HERC1: variants seen among roughly 807,000 people sequenced by gnomAD.
HERC1 encodes the protein HECT and RLD domain containing E3 ubiquitin protein ligase family member 1.
A neutral mutation model predicts 554.3 loss-of-function variants in HERC1; 160 were observed. That is an observed-to-expected ratio of 0.29 (90% confidence interval 0.25 to 0.33). HERC1 has a LOEUF of 0.33. Among genes scored for constraint, HERC1 ranks in the 10% least tolerant of loss-of-function variants. The pLI is 1.00. For synonymous variants in HERC1, 2,175 were observed against 2,131.7 expected, an observed-to-expected ratio of 1.02 and a Z score of -0.56; for missense variants, 4,919 against 5,918.5, an observed-to-expected ratio of 0.83 and a Z score of 5.54.
chr15:63,783,274 T>A (rs191697410), intron 1 of HERC1, among the ~76,000 whole-genome samples: 1 of 152,070 alleles, frequency 6.6e-6, no homozygotes, highest in African/African-American at 2.4e-5. Flanking sequence ...TTTTAATAAA[T>A]TGCCAAAGTA....
At chr15:63,833,498 G>A (rs1596352024) in intron 1 of HERC1, among the ~76,000 whole-genome samples, 1 of 152,232 alleles carries the variant, frequency 6.6e-6, no homozygotes, top group East Asian at 1.9e-4. Flanking sequence ...GCGGGGCCGG[G>A]GCACAGACGT....
Position 63,747,025 on chromosome 15 carries a change from C to T in HERC1, c.2413G>A (p.Ala805Thr). The T allele has an allele frequency of 6.3e-7, 1 of 1,593,092 alleles. No individual in the cohort carries two copies. The highest frequency in any genetic ancestry group is 8.5e-7 in the Non-Finnish European group (1 of 1,170,060). The stretch of plus-strand genomic sequence containing the variant: ...CTGGTAGCTACCCCTCCCGCAAGTG[C>T]AAGAGCAAGGTGATTTGAAAGTAGC... ...LKLLSNHLAL[A>T]LAGGVATSIL... Residue 805 changes from alanine (A) to threonine (T), a missense_variant, in exon 12 of 78, where the codon GCA becomes ACA. Around this residue, in one of 11 missense-constraint regions of HERC1, gnomAD observed 744 missense variants for 1,090.0 expected, o/e 0.68. Transcript: ENST00000443617.
At chr15:63,827,035 G>A (rs1286173864) in intron 1 of HERC1, among the ~76,000 whole-genome samples, 1 of 151,372 alleles carries the variant, frequency 6.6e-6, no homozygotes, top group Non-Finnish European at 1.5e-5. Context: ...AAAATACTAC[G>A]CGCAAGGCTA....
chr15:63,779,904 C>T (rs1007659359), intron 1 of HERC1: 1 of 146,428 alleles, frequency 6.8e-6, no homozygotes, highest in Non-Finnish European at 1.5e-5. Flanking sequence ...GTCCCAGCTA[C>T]TTGGGAGGCA....
chr15:63,652,436 G>C lies in HERC1; in HGVS notation c.10396C>G (p.Gln3466Glu). Residue 3466 changes from glutamine to glutamate, a missense_variant, in exon 52 of 78, where the codon CAG (glutamine) becomes GAG (glutamate). Physicochemically the swap from Gln to Glu is conservative, Grantham distance 29. Transcript: ENST00000443617. ...CACAATCTGTTGAACACACAGGTCT[G>C]TTGCAGTGAATATTGCTTCTTGGTA... The part of the protein sequence containing the change: ...NVTKKQYSLQ[Q>E]TCVFNRLEGD... The C allele has an allele frequency of 6.2e-7, 1 of 1,612,928 alleles. No individual in the cohort carries two copies. Among genetic ancestry groups the C allele is most frequent in the Non-Finnish European group, 8.5e-7 (1 of 1,179,262 alleles).
chr15:63,616,815 A>G, intron 74 of HERC1, 133 bp from the exon 75 acceptor site: 1 of 782,998 alleles, frequency 1.3e-6, no homozygotes, highest in Non-Finnish European at 2.0e-6. Context: ...ATAAGGCTAA[A>G]GTAATTAAAT....
chr15:63,713,690 G>C (rs977028273), intron 22 of HERC1, 25 bp from the exon 23 acceptor site: 9 of 1,579,432 alleles, frequency 5.7e-6, no homozygotes, highest in African/African-American at 1.3e-5. Context: ...ACAAAAACAA[G>C]GTCTTAACAC....
At chr15:63,810,289 T>C (rs1319829976) in intron 1 of HERC1, among the ~76,000 whole-genome samples, 1 of 152,146 alleles carries the variant, frequency 6.6e-6, no homozygotes, top group Non-Finnish European at 1.5e-5. Context: ...AACAGATGAA[T>C]GGATAAACAA....
chr15:63,641,753 T>G (rs1291153803), intron 59 of HERC1, 110 bp from the exon 60 acceptor site: 1 of 890,040 alleles, frequency 1.1e-6, no homozygotes, highest in Non-Finnish European at 1.6e-6. Context: ...CTTTGCTTTT[T>G]GGATATTTTA....
chr15:63,743,449 G>C (rs1428916097), intron 12 of HERC1, among the ~76,000 whole-genome samples: 2 of 151,566 alleles, frequency 1.3e-5, no homozygotes, highest in Non-Finnish European at 2.9e-5. Flanking sequence ...ATTTTTAGTA[G>C]AGAAGGGGTT....
At chr15:63,702,731 T>C (rs1192041326) in intron 25 of HERC1, among the ~76,000 whole-genome samples, 1 of 152,238 alleles carries the variant, frequency 6.6e-6, no homozygotes, top group Non-Finnish European at 1.5e-5. Flanking sequence ...GTAAGTAGTT[T>C]ATAAATGTTT....
intron 64 of HERC1, chr15:63,636,958 T>C (rs1048810547): frequency 8.9e-6 from 3 of 337,952 alleles, no homozygotes; most frequent in Non-Finnish European, 1.8e-5. Context: ...GGAACTTGTT[T>C]TGAACTCATA....
intron 3 of HERC1, among the ~76,000 whole-genome samples, chr15:63,761,381 A>T (rs1237695156): frequency 6.6e-6 from 1 of 152,158 alleles, no homozygotes; most frequent in Non-Finnish European, 1.5e-5. Context: ...GGAGTTTAAG[A>T]CCAGTCTGGG....
rs772679656 is a variant in HERC1 at position 63,658,552 on chromosome 15, G to C, written c.9591C>G (p.Leu3197=). The change falls in exon 48 of 78, where the codon CTC becomes CTG. Residue 3197 remains leucine (L), a synonymous_variant. Transcript: ENST00000443617. The stretch of plus-strand genomic sequence containing the variant: ...CATAAAATAACACTTACCTGACTGA[G>C]AGAAGAGACAGCGCTCTCATGACCA... The part of the protein sequence containing the change: ...RTMVMRALSL[L]SVSGSSCSLA... The C allele has an allele frequency of 3.1e-6, 5 of 1,610,354 alleles. No individual in the cohort carries two copies. The South Asian group carries it at 5.5e-5, about 18-fold the overall frequency.
chr15:63,696,058 C>T (rs2072394877), intron 27 of HERC1, 66 bp downstream of exon 27: 1 of 1,197,470 alleles, frequency 8.4e-7, no homozygotes, highest in African/African-American at 1.5e-5. Context: ...CAAAAAGTTT[C>T]ACATTATTAA....
intron 1 of HERC1, among the ~76,000 whole-genome samples, chr15:63,785,765 T>TA (rs2076418433): frequency 6.6e-6 from 1 of 151,558 alleles, no homozygotes; most frequent in Non-Finnish European, 1.5e-5. Flanking sequence ...ACCCTGTCTC[T>TA]AAATAAAGAA....
rs2069260650 is a variant in HERC1 at position 63,645,004 on chromosome 15, T to C, written c.11172A>G (p.Glu3724=). The C allele has an allele frequency of 1.9e-6, 3 of 1,611,358 alleles. No individual in the cohort carries two copies. The highest frequency in any genetic ancestry group is 2.2e-5 in the East Asian group (1 of 44,876). The change falls in exon 57 of 78, where the codon GAA becomes GAG. Residue 3724 remains glutamate (E), a synonymous_variant. Transcript: ENST00000443617. ...ACCAGAATGTTACCTGGCAATTTGA[T>C]TCCTGCTCCCACCATCCTTCTGCAC... ...VTSAEGWWEQ[E]SNCQDGYRKS...
At chr15:63,828,825 A>C (rs2078029046) in intron 1 of HERC1, among the ~76,000 whole-genome samples, 1 of 152,238 alleles carries the variant, frequency 6.6e-6, no homozygotes, top group South Asian at 2.1e-4. Flanking sequence ...GGGAGTGGTA[A>C]AGAAAATAAC....
rs1247731305 is a variant in HERC1 at position 63,654,270 on chromosome 15, G to C, written c.10139C>G (p.Ser3380Cys). 1.2e-6 allele frequency: 2 copies of C among 1,613,996 alleles called. No homozygotes were observed. Among genetic ancestry groups the C allele is most frequent in the African/African-American group, 2.7e-5 (2 of 75,056 alleles). ...LAACCLSSRL[S>C]SQHRQWAAQQ... ...AGCTGCCCATTGCCGATGCTGTGAG[G>C]ACAGCCTGGAGGAGAGGCAGCAGGC... The change falls in exon 51 of 78, where the codon TCC becomes TGC. Residue 3380 changes from serine to cysteine, a missense_variant. Physicochemically the swap from Ser to Cys is moderately radical, Grantham distance 112. Around this residue, in one of 11 missense-constraint regions of HERC1, gnomAD observed 1,963 missense variants for 2,228.6 expected, o/e 0.88. Transcript: ENST00000443617.
Sources: gnomAD v4.1 joint callset for allele counts (sites outside exome capture counted in the v4.1 genomes callset) on GRCh38, gnomAD v4.1.1 for gene constraint, gnomAD v4.1.1 regional missense constraint, MANE v1.5 for transcripts, NCBI Gene and HGNC (gene_info 2026-07-23, HGNC 2026-07-21) for gene names.